SPAG16: variants seen among roughly 807,000 people sequenced by gnomAD.
SPAG16 encodes sperm-associated antigen 16 protein.
In SPAG16, 86 loss-of-function variants were observed where a neutral mutation model predicts 80.4. The observed-to-expected ratio is 1.07, with a 90% CI of 0.90 to 1.28. The LOEUF is 1.28. Ranked by LOEUF, SPAG16 falls within the 50% of genes most tolerant of loss-of-function variation. SPAG16 has a pLI of 0.00. For missense variants in SPAG16, 870 were observed against 765.3 expected (o/e 1.14, Z -1.61); for synonymous variants, 294 against 265.9 (o/e 1.11, Z -1.03).
At chr2:213,732,010 A>G (rs966217154) in intron 10 of SPAG16, among the ~76,000 whole-genome samples, 2 of 152,148 alleles carry the variant, frequency 1.3e-5, no homozygotes, top group Non-Finnish European at 2.9e-5. Context: ...TCTGAATGGT[A>G]TCTCCTAGAT....
chr2:213,415,058 C>G (rs1418905559), intron 9 of SPAG16, among the ~76,000 whole-genome samples: 1 of 152,250 alleles, frequency 6.6e-6, no homozygotes, highest in Non-Finnish European at 1.5e-5. Flanking sequence ...CCCACCAGGT[C>G]CCTCCCACAA....
intron 10 of SPAG16, among the ~76,000 whole-genome samples, chr2:213,656,902 A>G (rs1269925093): frequency 6.6e-6 from 1 of 152,172 alleles, no homozygotes; most frequent in Non-Finnish European, 1.5e-5. Context: ...TTCCATATCA[A>G]AGAAATAAGT....
intron 10 of SPAG16, among the ~76,000 whole-genome samples, chr2:213,589,577 C>G (rs1033050057): frequency 6.6e-6 from 1 of 152,196 alleles, no homozygotes; most frequent in African/African-American, 2.4e-5. Flanking sequence ...GTAGGGCCCA[C>G]TCCCATCATG....
chr2:213,942,273 T>C (rs1319026768), intron 12 of SPAG16, among the ~76,000 whole-genome samples: 1 of 152,194 alleles, frequency 6.6e-6, no homozygotes, highest in Non-Finnish European at 1.5e-5. Flanking sequence ...ATTTCATGTT[T>C]ATAACCTCAA....
At chr2:214,101,961 A>C (rs1205198026) in intron 13 of SPAG16, among the ~76,000 whole-genome samples, 1 of 152,182 alleles carries the variant, frequency 6.6e-6, no homozygotes, top group African/African-American at 2.4e-5. Flanking sequence ...CAATGGGTGA[A>C]TATGCTCCCG....
At chr2:213,597,788 C>T (rs1313890230) in intron 10 of SPAG16, among the ~76,000 whole-genome samples, 1 of 152,112 alleles carries the variant, frequency 6.6e-6, no homozygotes, top group Non-Finnish European at 1.5e-5. Context: ...ACTTCTCTGA[C>T]ATATTTTAAG....
chr2:214,329,462 C>T (rs1451641285), intron 15 of SPAG16, among the ~76,000 whole-genome samples: 1 of 152,084 alleles, frequency 6.6e-6, no homozygotes, highest in South Asian at 2.1e-4. Flanking sequence ...ATTGTCTGTT[C>T]TGAGAAAGCA....
At chr2:213,588,862 A>G (rs2060578858) in intron 10 of SPAG16, among the ~76,000 whole-genome samples, 1 of 135,118 alleles carries the variant, frequency 7.4e-6, no homozygotes, top group Non-Finnish European at 1.6e-5. Flanking sequence ...ATCCATTTTG[A>G]GAAACTACAA....
intron 10 of SPAG16, among the ~76,000 whole-genome samples, chr2:213,857,749 G>A (rs1239615485): frequency 6.6e-6 from 1 of 152,154 alleles, no homozygotes. Context: ...ATTTTGTAAG[G>A]CTATAGCTGC....
intron 11 of SPAG16, among the ~76,000 whole-genome samples, chr2:213,871,494 T>G (rs2075942722): frequency 6.6e-6 from 1 of 151,946 alleles, no homozygotes; most frequent in African/African-American, 2.4e-5. Context: ...TGAAGCACAC[T>G]GACATATTTC....
chr2:213,467,075 C>G (rs2072738066), intron 9 of SPAG16, among the ~76,000 whole-genome samples: 1 of 152,186 alleles, frequency 6.6e-6, no homozygotes, highest in Non-Finnish European at 1.5e-5. Flanking sequence ...AGGTGGAGGT[C>G]CTGGAGCAGT....
At chr2:214,396,095 C>T (rs768047046) in intron 15 of SPAG16, among the ~76,000 whole-genome samples, 27 of 152,108 alleles carry the variant, frequency 1.8e-4, no homozygotes, top group Non-Finnish European at 2.2e-4. Flanking sequence ...AGTTCTTCTG[C>T]GACTCATCAC....
chr2:214,304,046 T>G (rs963595482), intron 15 of SPAG16, among the ~76,000 whole-genome samples: 1 of 152,158 alleles, frequency 6.6e-6, no homozygotes, highest in African/African-American at 2.4e-5. Context: ...TGTGTTTTGT[T>G]CCCCTCTATA....
chr2:214,279,884 A>C (rs1442163778), intron 15 of SPAG16, among the ~76,000 whole-genome samples: 1 of 152,236 alleles, frequency 6.6e-6, no homozygotes, highest in African/African-American at 2.4e-5. Context: ...AAAATCAAAA[A>C]AACCCATGGA....
At chr2:213,888,899 G>A (rs551947967) in intron 11 of SPAG16, among the ~76,000 whole-genome samples, 11 of 152,046 alleles carry the variant, frequency 7.2e-5, no homozygotes, top group East Asian at 3.9e-4. Context: ...TGCACAGAAC[G>A]TAATCAAATC....
At chr2:214,341,087 A>C (rs1033551328) in intron 15 of SPAG16, among the ~76,000 whole-genome samples, 1 of 152,188 alleles carries the variant, frequency 6.6e-6, no homozygotes, top group Non-Finnish European at 1.5e-5. Context: ...CCCCCAAAAA[A>C]TTTTTTTGCA....
At chr2:213,976,558 A>G (rs1321255732) in intron 12 of SPAG16, among the ~76,000 whole-genome samples, 1 of 152,076 alleles carries the variant, frequency 6.6e-6, no homozygotes, top group Non-Finnish European at 1.5e-5. Flanking sequence ...ATATAAGAGT[A>G]TTGGTGGGAT....
intron 15 of SPAG16, among the ~76,000 whole-genome samples, chr2:214,288,128 T>C (rs894243984): frequency 2.1e-5 from 3 of 143,438 alleles, no homozygotes; most frequent in African/African-American, 5.0e-5. Flanking sequence ...TCTGTCTCCA[T>C]GAGATCAACT....
intron 10 of SPAG16, among the ~76,000 whole-genome samples, chr2:213,719,365 A>G (rs1339533809): frequency 2.1e-3 from 296 of 139,198 alleles, no homozygotes; most frequent in Middle Eastern, 0.013. Context: ...AGGTTTGTGA[A>G]TGCACCAATC....
Sources: gnomAD v4.1 joint callset for allele counts (sites outside exome capture counted in the v4.1 genomes callset) on GRCh38, gnomAD v4.1.1 for gene constraint, MANE v1.5 for transcripts, NCBI Gene and HGNC (gene_info 2026-07-23, HGNC 2026-07-21) for gene names.